Variants in FRMD8 observed in about 807,000 individuals in gnomAD.
FRMD8 encodes FERM domain containing 8.
A neutral mutation model predicts 54.2 loss-of-function variants in FRMD8; 37 were observed. That is an observed-to-expected ratio of 0.68 (90% confidence interval 0.53 to 0.90). The LOEUF (loss-of-function observed/expected upper bound fraction) is 0.90, where lower values mean the gene tolerates loss of function less well. Ranked by LOEUF, FRMD8 falls within the 40% of genes least tolerant of loss-of-function variation. FRMD8 has a pLI of 0.00. For synonymous variants in FRMD8, 246 were observed against 286.9 expected (o/e 0.86, Z 1.44); for missense variants, 585 against 653.7 (o/e 0.89, Z 1.15).
At chr11:65,398,875 G>A (rs374863639) in intron 7 of FRMD8, among the ~76,000 whole-genome samples, 6 of 152,138 alleles carry the variant, frequency 3.9e-5, no homozygotes, top group South Asian at 2.1e-4. Flanking sequence ...CCATCCCATC[G>A]CGTGGAGAGA....
chr11:65,380,505 G>A, the FRMD8 span: 1 of 1,385,296 alleles, frequency 7.2e-7, no homozygotes, highest in African/African-American at 1.4e-5. Context: ...TGAGCCGCGG[G>A]ACTCTGGGAG....
upstream of FRMD8, chr11:65,383,763 AAAAAAACAAACAAACAAAC>A (rs1412841946): frequency 9.6e-6 from 1 of 104,060 alleles, no homozygotes; most frequent in African/African-American, 2.9e-5. Context: ...GTCTCAAAAA[AAAAAAACAAACAAACAAAC>A]AAAAAAAAAA....
At chr11:65,389,280 G>A in intron 2 of FRMD8, 81 bp from the exon 3 acceptor site, 2 of 1,397,686 alleles carry the variant, frequency 1.4e-6, no homozygotes, top group Non-Finnish European at 2.0e-6. Flanking sequence ...AGCCCCAGTG[G>A]GTGGTAGAGG....
At chr11:65,395,412 G>T (rs1440450565) in intron 6 of FRMD8, among the ~76,000 whole-genome samples, 1 of 151,940 alleles carries the variant, frequency 6.6e-6, no homozygotes, top group Non-Finnish European at 1.5e-5. Context: ...GGTGGTGCAT[G>T]CCTGTAATCC....
chr11:65,388,880 G>A (rs1446904146), intron 2 of FRMD8, among the ~76,000 whole-genome samples: 2 of 152,202 alleles, frequency 1.3e-5, no homozygotes, highest in Non-Finnish European at 2.9e-5. Flanking sequence ...ACCAGCTCTC[G>A]CTCCTGCCAG....
chr11:65,405,043 C>T lies in FRMD8; in HGVS notation c.1251C>T (p.Leu417=). Residue 417 remains leucine (L), a synonymous_variant, in exon 10 of 11, where the codon CTC becomes CTT. Coordinates refer to ENST00000317568, the MANE Select transcript of FRMD8 (RefSeq NM_031904.5). The stretch of plus-strand genomic sequence containing the variant: ...TGGTGTCCAGCCGGATCCAGCATCT[C>T]TCCACCATCGACTACGTGGAGGACG... ...GSVVSSRIQH[L]STIDYVEDGK... 1 of 1,613,562 alleles carries T rather than the reference C, an allele frequency of 6.2e-7. No homozygotes were observed. Among genetic ancestry groups the T allele is most frequent in the East Asian group, 2.2e-5 (1 of 44,892 alleles).
At chr11:65,380,675 C>T in the FRMD8 span, 2 of 1,152,738 alleles carry the variant, frequency 1.7e-6, no homozygotes, top group Admixed American at 2.4e-5. Context: ...GAGCTTCTCC[C>T]CTCCCCTCCA....
intron 7 of FRMD8, among the ~76,000 whole-genome samples, chr11:65,398,791 G>T (rs1328041897): frequency 6.6e-6 from 1 of 152,178 alleles, no homozygotes; most frequent in Admixed American, 6.5e-5. Context: ...GAGCTTGGGG[G>T]ACAGAAGTCT....
chr11:65,377,029 G>GT, the FRMD8 span: 1 of 1,614,048 alleles, frequency 6.2e-7, no homozygotes, highest in South Asian at 1.1e-5. Flanking sequence ...GCTCTGTCTG[G>GT]TTTTGTAGCC....
intron 10 of FRMD8, among the ~76,000 whole-genome samples, chr11:65,408,706 G>A (rs557238681): frequency 1.4e-4 from 22 of 151,770 alleles, no homozygotes; most frequent in East Asian, 7.8e-4. Context: ...TCAACCTCCC[G>A]TGCTCAAGCA....
chr11:65,405,117 C>G, intron 10 of FRMD8, 49 bp downstream of exon 10: 2 of 1,555,792 alleles, frequency 1.3e-6, no homozygotes, highest in Non-Finnish European at 1.8e-6. Flanking sequence ...CATGCGCGTG[C>G]ACACACCGGG....
rs1179973019 is a variant in FRMD8 at position 65,400,077 on chromosome 11, G to A, written c.927+218G>A. On this transcript the variant is annotated intron_variant, in intron 8 of 10. Coordinates refer to ENST00000317568, the MANE Select transcript of FRMD8 (RefSeq NM_031904.5). The surrounding 1 kb of genome is among the most constrained non-coding windows in gnomAD (Gnocchi z 4.3). The stretch of plus-strand genomic sequence containing the variant: ...TGGGGTGGCCGGGGCAGGGGAGGCC[G>A]CAGCTGGGACTTCACTGCTGAGTGG... 2.0e-5 allele frequency among the ~76,000 whole-genome samples: 3 copies of A among 152,194 alleles called. No individual in the cohort carries two copies. Among genetic ancestry groups the A allele is most frequent in the Non-Finnish European group, 4.4e-5 (3 of 68,026 alleles).
chr11:65,407,774 G>A (rs900295721), intron 10 of FRMD8, among the ~76,000 whole-genome samples: 1 of 151,466 alleles, frequency 6.6e-6, no homozygotes, highest in Non-Finnish European at 1.5e-5. Context: ...GTGGGTGCCT[G>A]TAGTCCCAGC....
intron 10 of FRMD8, among the ~76,000 whole-genome samples, chr11:65,405,403 C>T (rs1163987082): frequency 6.6e-6 from 1 of 152,164 alleles, no homozygotes; most frequent in Non-Finnish European, 1.5e-5. Context: ...AGGAGGATCA[C>T]CTGAGGTCAG....
the FRMD8 span, among the ~76,000 whole-genome samples, chr11:65,373,814 C>T: frequency 6.6e-6 from 1 of 152,266 alleles, no homozygotes; most frequent in African/African-American, 2.4e-5. Flanking sequence ...TCTTGAACTC[C>T]TAGCCTCAAG....
intron 6 of FRMD8, 35 bp from the exon 7 acceptor site, chr11:65,396,764 T>C (rs890152167): frequency 7.2e-6 from 10 of 1,397,436 alleles, no homozygotes; most frequent in Non-Finnish European, 8.5e-6. Context: ...GCACCTCTGG[T>C]TGGGCCGCTA....
chr11:65,385,867 T>G (rs1462083526), upstream of FRMD8, among the ~76,000 whole-genome samples: 1 of 151,480 alleles, frequency 6.6e-6, no homozygotes, highest in Non-Finnish European at 1.5e-5. Context: ...TGATCTCGGC[T>G]CACTGCAGGC....
At chr11:65,389,295 C>G in intron 2 of FRMD8, 66 bp from the exon 3 acceptor site, 2 of 1,539,496 alleles carry the variant, frequency 1.3e-6, no homozygotes, top group Non-Finnish European at 1.8e-6. Flanking sequence ...TAGAGGGTGC[C>G]TGGTTGGCCT....
rs1856158094 is a variant in FRMD8, at chr11:65,404,908, C to T, written c.1116C>T (p.Ser372=). The T allele has an allele frequency of 6.2e-7, 1 of 1,613,142 alleles. No individual in the cohort carries two copies. The highest frequency in any genetic ancestry group is 8.5e-7 in the Non-Finnish European group (1 of 1,180,024). The change falls in exon 10 of 11, where the codon AGC becomes AGT. Residue 372 remains serine (S), a synonymous_variant. Coordinates refer to ENST00000317568, the MANE Select transcript of FRMD8 (RefSeq NM_031904.5). This position sits in a 1 kb window ranked among gnomAD's most constrained non-coding sequence, Gnocchi z 4.7. ...TCATTGAGTACTGCATCGAACTGAG[C>T]CAGGCGGCGGAGCCCGCAGGCCCCC... ...SSLIEYCIEL[S]QAAEPAGPQD...
Sources: allele counts gnomAD v4.1 joint callset (sites outside exome capture counted in the v4.1 genomes callset), GRCh38; gene constraint gnomAD v4.1.1; non-coding constraint Gnocchi (gnomAD v3.1); transcripts MANE v1.5; gene names NCBI Gene and HGNC (gene_info 2026-07-23, HGNC 2026-07-21).